The following MS4A4A variants were observed in gnomAD, a reference collection of about 807,000 sequenced individuals.
MS4A4A encodes membrane-spanning 4-domains subfamily A member 4A.
MS4A4A carries 26 observed loss-of-function variants against 28.0 expected under a neutral mutation model. The ratio of observed to expected loss-of-function variants is 0.93; its 90% confidence interval spans 0.68 to 1.29. The LOEUF (loss-of-function observed/expected upper bound fraction) is 1.29, where lower values mean the gene tolerates loss of function less well. MS4A4A is among the 50% of genes most tolerant of loss of function. MS4A4A has a pLI of 0.00. For missense variants in MS4A4A, 290 were observed against 293.1 expected, an observed-to-expected ratio of 0.99 and a Z score of 0.08; for synonymous variants, 86 against 100.8, an observed-to-expected ratio of 0.85 and a Z score of 0.88.
At chr11:60,283,052 T>C (rs2084769785) in intron 1 of MS4A4A, among the ~76,000 whole-genome samples, 1 of 152,080 alleles carries the variant, frequency 6.6e-6, no homozygotes, top group Non-Finnish European at 1.5e-5. Context: ...AGAATGAGAT[T>C]GATTGAGCAT....
chr11:60,284,992 T>A (rs765409436), intron 1 of MS4A4A, among the ~76,000 whole-genome samples: 14 of 152,196 alleles, frequency 9.2e-5, no homozygotes, highest in Non-Finnish European at 1.6e-4. Context: ...TTAGAAGACC[T>A]AAATAGAAGA....
chr11:60,292,988 G>A (rs1051004053), intron 2 of MS4A4A, among the ~76,000 whole-genome samples: 2 of 152,116 alleles, frequency 1.3e-5, no homozygotes, highest in Non-Finnish European at 2.9e-5. Flanking sequence ...TCTGGAGGGG[G>A]GGAAATATAG....
intron 5 of MS4A4A, among the ~76,000 whole-genome samples, chr11:60,303,384 C>A (rs1411585074): frequency 6.6e-6 from 1 of 152,080 alleles, no homozygotes; most frequent in Non-Finnish European, 1.5e-5. Context: ...CACATCACAG[C>A]AGACTAAAAT....
At chr11:60,288,374 G>A (rs1410008464) in intron 1 of MS4A4A, among the ~76,000 whole-genome samples, 1 of 152,140 alleles carries the variant, frequency 6.6e-6, no homozygotes, top group African/African-American at 2.4e-5. Context: ...CAAAACTACT[G>A]TGGCACAGGT....
chr11:60,280,756 T>A, intron 1 of MS4A4A, 40 bp downstream of exon 1: 1 of 1,611,302 alleles, frequency 6.2e-7, no homozygotes, highest in Non-Finnish European at 8.5e-7. Context: ...TTCGGGCTGA[T>A]GGCTTGTTTC....
intron 1 of MS4A4A, among the ~76,000 whole-genome samples, chr11:60,288,745 G>A (rs532861551): frequency 9.9e-5 from 15 of 152,164 alleles, no homozygotes; most frequent in Non-Finnish European, 2.1e-4. Flanking sequence ...ATGACTAAGC[G>A]TGTCTGTGGC....
At position 60,308,217 on chromosome 11, in the gene MS4A4A, T is replaced by C. The variant is rs569617456; in HGVS notation, c.*39T>C. 58 of 1,585,720 alleles carry C rather than the reference T, an allele frequency of 3.7e-5. No individual in the cohort carries two copies. In the East Asian group the frequency reaches 1.3e-3, roughly 34 times the overall value. ...TCAACAGACAAATGCTCCAGAAATC[T>C]ATGCTGACTGTGACACAAGAGCCTC... On this transcript the variant is annotated 3_prime_UTR_variant, in exon 7 of 7. Coordinates refer to ENST00000337908, the MANE Select transcript of MS4A4A (RefSeq NM_148975.3).
chr11:60,305,999 C>T, intron 5 of MS4A4A, 101 bp from the exon 6 acceptor site: 2 of 994,632 alleles, frequency 2.0e-6, no homozygotes, highest in South Asian at 3.2e-5. Flanking sequence ...TTTCCTGACT[C>T]CCAGCCAGTG....
intron 1 of MS4A4A, among the ~76,000 whole-genome samples, chr11:60,291,620 A>G (rs1266202505): frequency 1.3e-5 from 2 of 152,036 alleles, no homozygotes; most frequent in East Asian, 3.8e-4. Context: ...CAACATGGTG[A>G]AACTCTGTCT....
intron 2 of MS4A4A, among the ~76,000 whole-genome samples, chr11:60,294,067 A>G (rs2084880775): frequency 6.6e-6 from 1 of 152,228 alleles, no homozygotes; most frequent in Non-Finnish European, 1.5e-5. Context: ...CACTTTGAAG[A>G]TTTCAATCAA....
intron 2 of MS4A4A, among the ~76,000 whole-genome samples, chr11:60,294,928 T>C (rs1002768341): frequency 6.6e-6 from 1 of 150,562 alleles, no homozygotes; most frequent in Non-Finnish European, 1.5e-5. Flanking sequence ...TTCTTCTTCT[T>C]CTTCTTCTTC....
Position 60,302,663 on chromosome 11 carries a change from C to T in MS4A4A, c.492C>T (p.Tyr164=), listed in dbSNP as rs1422907705. Residue 164 remains tyrosine, a synonymous_variant, in exon 5 of 7, where the codon TAC becomes TAT. Coordinates refer to ENST00000337908, the MANE Select transcript of MS4A4A (RefSeq NM_148975.3). The part of the protein sequence containing the change: ...SLAFYSFHHP[Y]CNYYGNSNNC... ...CGTTTTATTCATTCCATCACCCTTA[C>T]TGTAACTACTATGGCAACTCAAATA... The T allele has an allele frequency of 6.2e-7, 1 of 1,613,958 alleles. No individual in the cohort carries two copies. Among genetic ancestry groups the T allele is most frequent in the East Asian group, 2.2e-5 (1 of 44,874 alleles).
rs541827007 is a variant in MS4A4A, at chr11:60,297,515, G to A, written c.330+190G>A. On this transcript the variant is annotated intron_variant, in intron 3 of 6. Transcript: ENST00000337908. ...TATAGTATTATATTAAATCTAGGCA[G>A]ATTAAATATTTATATATGTCAGTTA... is the stretch of plus-strand genomic sequence containing the variant. Among the ~76,000 whole-genome samples, 214 of 152,124 alleles carry A rather than the reference G, an allele frequency of 1.4e-3. 1 individual carries two copies. Among genetic ancestry groups the A allele is most frequent in the African/African-American group, 5.0e-3 (208 of 41,506 alleles).
At chr11:60,306,618 C>T (rs892275829) in intron 6 of MS4A4A, among the ~76,000 whole-genome samples, 2 of 152,172 alleles carry the variant, frequency 1.3e-5, no homozygotes, top group Non-Finnish European at 2.9e-5. Context: ...ACACACAGGA[C>T]TTGTATCTCA....
intron 6 of MS4A4A, among the ~76,000 whole-genome samples, chr11:60,307,609 A>ATAGC (rs1383398443): frequency 6.6e-6 from 1 of 152,164 alleles, no homozygotes; most frequent in Non-Finnish European, 1.5e-5. Flanking sequence ...TATGATAGCT[A>ATAGC]GGTCTCTATC....
chr11:60,288,860 G>A (rs911676196), intron 1 of MS4A4A, among the ~76,000 whole-genome samples: 2 of 152,152 alleles, frequency 1.3e-5, no homozygotes, highest in African/African-American at 4.8e-5. Context: ...GGGAGGTGGG[G>A]CACTGCAGTT....
Position 60,308,410 on chromosome 11 carries a change from G to A in MS4A4A, c.*232G>A, listed in dbSNP as rs994044022. The A allele has an allele frequency of 1.0e-4, 46 of 451,530 alleles. No individual in the cohort carries two copies. The highest frequency in any genetic ancestry group is 1.6e-4 in the Non-Finnish European group (40 of 257,352). 28.0% of individuals were successfully genotyped at this position (451,530 alleles called of 1,614,324 possible). A position where few individuals can be genotyped will look rare whatever the true frequency, so the allele number is the denominator to read the frequency against. On this transcript the variant is annotated 3_prime_UTR_variant, in exon 7 of 7. Transcript: ENST00000337908. ...TAACTCATTTCACTGGCTCTTTATC[G>A]AGAGTACTAGAAGTTAAATTAATAA...
rs2084962783 is a variant in MS4A4A at position 60,302,662 on chromosome 11, A to T, written c.491A>T (p.Tyr164Phe). 12 of 1,613,874 alleles carry T rather than the reference A, an allele frequency of 7.4e-6. No individual in the cohort carries two copies. The highest frequency in any genetic ancestry group is 1.0e-5 in the Non-Finnish European group (12 of 1,179,802). Residue 164 changes from tyrosine (Y) to phenylalanine (F), a missense_variant, in exon 5 of 7, where the codon TAC (tyrosine) becomes TTC (phenylalanine). Coordinates refer to ENST00000337908, the MANE Select transcript of MS4A4A (RefSeq NM_148975.3). The stretch of plus-strand genomic sequence containing the variant: ...GCGTTTTATTCATTCCATCACCCTT[A>T]CTGTAACTACTATGGCAACTCAAAT... Reference protein sequence around the residue: ...SLAFYSFHHPYCNYYGNSNNC... With the variant: ...SLAFYSFHHPFCNYYGNSNNC...
rs1439642411 is a variant in MS4A4A at position 60,308,892 on chromosome 11, A to G, written c.*714A>G. 1 of 152,218 alleles carries G rather than the reference A, an allele frequency of 6.6e-6. No individual in the cohort carries two copies. The highest frequency in any genetic ancestry group is 1.9e-4 in the East Asian group (1 of 5,202). 9.4% of individuals were successfully genotyped at this position (152,218 alleles called of 1,614,324 possible). A position where few individuals can be genotyped will look rare whatever the true frequency, so the allele number is the denominator to read the frequency against. The stretch of plus-strand genomic sequence containing the variant: ...GGGCATAATTATATCTTAATCATAT[A>G]TGGAAATGTGCAACATATGGTATTT... On this transcript the variant is annotated 3_prime_UTR_variant, in exon 7 of 7. Transcript: ENST00000337908.
Sources: allele counts gnomAD v4.1 joint callset (sites outside exome capture counted in the v4.1 genomes callset), GRCh38; gene constraint gnomAD v4.1.1; transcripts MANE v1.5; gene names NCBI Gene and HGNC (gene_info 2026-07-23, HGNC 2026-07-21).